TBCK: variants seen among roughly 807,000 people sequenced by gnomAD.
TBCK encodes the protein TBC domain-containing protein kinase-like protein.
In TBCK, 99 loss-of-function variants were observed where a neutral mutation model predicts 113.4. The observed-to-expected ratio is 0.87, with a 90% confidence interval of 0.74 to 1.03. The LOEUF is 1.03. Ranked by LOEUF, TBCK falls within the 50% of genes least tolerant of loss-of-function variation. TBCK has a pLI of 0.00. For missense variants in TBCK, 1,045 were observed against 1,061.3 expected (o/e 0.98, Z 0.21); for synonymous variants, 369 against 370.8 (o/e 1.00, Z 0.05).
intron 3 of TBCK, among the ~76,000 whole-genome samples, chr4:106,271,765 A>C (rs1396103726): frequency 2.0e-5 from 3 of 151,714 alleles, no homozygotes; most frequent in Non-Finnish European, 4.4e-5. Context: ...AAAAAAAAAA[A>C]ACAAAACAAA....
At chr4:106,241,296 A>G (rs1760107025) in intron 12 of TBCK, among the ~76,000 whole-genome samples, 2 of 151,896 alleles carry the variant, frequency 1.3e-5, no homozygotes, top group Non-Finnish European at 2.9e-5. Context: ...AAGAAATAAA[A>G]CCCTACATTT....
chr4:106,262,291 T>G (rs1265920501), intron 3 of TBCK, 79 bp from the exon 4 acceptor site: 1 of 696,516 alleles, frequency 1.4e-6, no homozygotes, highest in East Asian at 2.9e-5. Context: ...TGTGACCTAG[T>G]GAAAATATTC....
rs559244003 is a variant in TBCK, at chr4:106,098,104, C to T, written c.2412-2463G>A. Reference sequence around the variant, plus strand: ...ACAAAGGTAGGGTTAGAGATGAACACGCAACACTACATATTTTTGAAGTAT... The same window carrying T: ...ACAAAGGTAGGGTTAGAGATGAACATGCAACACTACATATTTTTGAAGTAT... On this transcript the variant is annotated intron_variant, in intron 24 of 25. Transcript: ENST00000394708. Among the ~76,000 whole-genome samples, 116 of 152,052 alleles carry T rather than the reference C, an allele frequency of 7.6e-4. 3 individuals are homozygous for T. Among genetic ancestry groups the T allele is most frequent in the Admixed American group, 1.8e-3 (28 of 15,270 alleles).
At chr4:106,075,809 GT>G (rs777497098) in intron 25 of TBCK, among the ~76,000 whole-genome samples, 3 of 152,166 alleles carry the variant, frequency 2.0e-5, no homozygotes, top group Non-Finnish European at 4.4e-5. Flanking sequence ...AATTGTTAAT[GT>G]TTTATGAAAA....
chr4:106,089,569 C>T (rs1321906290), intron 25 of TBCK, among the ~76,000 whole-genome samples: 1 of 152,148 alleles, frequency 6.6e-6, no homozygotes, highest in South Asian at 2.1e-4. Context: ...TCAAGTCTCA[C>T]GTATCATCTG....
In TBCK at chr4:106,116,261, T is replaced by G; in HGVS notation, c.2353A>C (p.Lys785Gln). Residue 785 changes from lysine (K) to glutamine (Q), a missense_variant, in exon 24 of 26, where the codon AAG becomes CAG. Physicochemically the swap from Lys to Gln is moderately conservative, Grantham distance 53. Transcript: ENST00000394708. ...TVTGHFKTPS[K>Q]KTKSSKPKLL... ...TTTGGTTTACTGGACTTTGTTTTCT[T>G]GCTGGGTGTTTTGAAGTGGCCTGTC... 6.2e-7 allele frequency: 1 copy of G among 1,614,134 alleles called. No individual in the cohort carries two copies. Among genetic ancestry groups the G allele is most frequent in the African/African-American group, 1.3e-5 (1 of 75,028 alleles).
intron 19 of TBCK, among the ~76,000 whole-genome samples, chr4:106,227,680 A>C (rs1758385847): frequency 6.6e-6 from 1 of 152,034 alleles, no homozygotes; most frequent in African/African-American, 2.4e-5. Flanking sequence ...TAACGTAGGA[A>C]GAATTATATA....
intron 22 of TBCK, 100 bp from the exon 23 acceptor site, chr4:106,171,370 C>A: frequency 1.4e-5 from 12 of 830,342 alleles, no homozygotes; most frequent in South Asian, 3.9e-5. Flanking sequence ...CTAAATATGG[C>A]TAAGATGATA....
chr4:106,205,214 C>A (rs1755333678), intron 20 of TBCK, among the ~76,000 whole-genome samples: 1 of 152,008 alleles, frequency 6.6e-6, no homozygotes, highest in Admixed American at 6.6e-5. Flanking sequence ...TTGGAGAAGA[C>A]CTGTTGTGAT....
At chr4:106,071,729 G>A (rs1382518681) in intron 25 of TBCK, among the ~76,000 whole-genome samples, 3 of 152,162 alleles carry the variant, frequency 2.0e-5, no homozygotes, top group Non-Finnish European at 4.4e-5. Context: ...TTGTGTGGGA[G>A]TCTAAGTCTC....
intron 12 of TBCK, among the ~76,000 whole-genome samples, chr4:106,241,582 T>C (rs771489924): frequency 2.0e-5 from 3 of 151,874 alleles, no homozygotes; most frequent in Non-Finnish European, 4.4e-5. Flanking sequence ...CCCAGAAACA[T>C]ATCCATATAC....
chr4:106,303,924 C>T (rs2125878658), intron 2 of TBCK, among the ~76,000 whole-genome samples: 1 of 152,244 alleles, frequency 6.6e-6, no homozygotes, highest in Admixed American at 6.5e-5. Context: ...CGGATCATGA[C>T]CCTCAGATGA....
intron 23 of TBCK, among the ~76,000 whole-genome samples, chr4:106,142,033 A>G (rs940584036): frequency 7.1e-6 from 1 of 141,728 alleles, no homozygotes; most frequent in South Asian, 2.4e-4. Flanking sequence ...TCATAAAACC[A>G]TATTTAGAAT....
Position 106,150,265 on chromosome 4 carries a change from A to G in TBCK, c.2235+20830T>C, listed in dbSNP as rs533984656. Among the ~76,000 whole-genome samples the G allele has an allele frequency of 1.8e-4, 27 of 152,296 alleles. No homozygotes were observed. In the South Asian group the frequency reaches 5.6e-3, roughly 32 times the overall value. On this transcript the variant is annotated intron_variant, in intron 23 of 25. Transcript: ENST00000394708. ...AACAAGTAGACTAGTATAAAAATACACACAAAAGCACAAAAATAACACTAT... is the reference window on the plus strand; with the variant it reads ...AACAAGTAGACTAGTATAAAAATACGCACAAAAGCACAAAAATAACACTAT...
intron 23 of TBCK, among the ~76,000 whole-genome samples, chr4:106,136,140 T>A (rs1746525236): frequency 7.1e-6 from 1 of 141,590 alleles, no homozygotes; most frequent in African/African-American, 2.5e-5. Flanking sequence ...CTCCTTTTTT[T>A]ATTCAGTTTT....
intron 23 of TBCK, among the ~76,000 whole-genome samples, chr4:106,158,669 T>C (rs547882593): frequency 8.5e-5 from 13 of 152,126 alleles, no homozygotes; most frequent in Admixed American, 7.2e-4. Context: ...AAAAATCTCC[T>C]AAGAAAGAAA....
At chr4:106,277,239 A>C (rs1032072827) in intron 3 of TBCK, among the ~76,000 whole-genome samples, 2 of 152,214 alleles carry the variant, frequency 1.3e-5, no homozygotes, top group African/African-American at 4.8e-5. Context: ...TGGTGAAAAT[A>C]TGTAAAAGGT....
At chr4:106,086,406 C>T (rs1739523946) in intron 25 of TBCK, among the ~76,000 whole-genome samples, 1 of 152,126 alleles carries the variant, frequency 6.6e-6, no homozygotes, top group Non-Finnish European at 1.5e-5. Flanking sequence ...CCTGAATATA[C>T]CAATAACAAG....
intron 22 of TBCK, among the ~76,000 whole-genome samples, chr4:106,180,196 T>C (rs746972292): frequency 6.6e-6 from 1 of 151,924 alleles, no homozygotes; most frequent in African/African-American, 2.4e-5. Flanking sequence ...TAGCTCTTTT[T>C]ATTGGATAAT....
Sources: allele counts gnomAD v4.1 joint callset (sites outside exome capture counted in the v4.1 genomes callset), GRCh38; gene constraint gnomAD v4.1.1; transcripts MANE v1.5; gene names NCBI Gene and HGNC (gene_info 2026-07-23, HGNC 2026-07-21).